CNOT2: variants seen among roughly 807,000 people sequenced by gnomAD.
The protein encoded by CNOT2 is CC chemokine receptor 4-negative regulator of transcription 2.
A neutral mutation model predicts 72.1 loss-of-function variants in CNOT2; 7 were observed. That is an observed-to-expected ratio of 0.10 (90% CI 0.06 to 0.18). The LOEUF (loss-of-function observed/expected upper bound fraction) is 0.18. Among genes scored for constraint, CNOT2 ranks in the 10% least tolerant of loss-of-function variants. The probability of loss-of-function intolerance (pLI) is 1.00; values close to 1 mark genes in which losing one functional copy is unlikely to be tolerated. For synonymous variants in CNOT2, 196 were observed against 225.6 expected (o/e 0.87, Z 1.17); for missense variants, 345 against 660.3 (o/e 0.52, Z 5.23).
At chr12:70,326,425 G>A (rs1879087215) in intron 4 of CNOT2, among the ~76,000 whole-genome samples, 2 of 150,658 alleles carry the variant, frequency 1.3e-5, no homozygotes, top group African/African-American at 4.9e-5. Context: ...TTTATGCCAA[G>A]AAAAACTCCT....
In CNOT2 at chr12:70,292,850, C is replaced by T. The variant is rs1284497293; in HGVS notation, c.48+14576C>T. 2.0e-5 allele frequency among the ~76,000 whole-genome samples: 3 copies of T among 152,192 alleles called. No homozygotes were observed. The East Asian group carries it at 5.8e-4, about 29-fold the overall frequency. On this transcript the variant is annotated intron_variant, in intron 2 of 15. Coordinates refer to ENST00000229195, the MANE Select transcript of CNOT2 (RefSeq NM_014515.7). ...ACTCAGTGATTATTGAATTAGTGTA[C>T]ATGGTGAGATGTTTAGAAACATTTT...
intron 3 of CNOT2, among the ~76,000 whole-genome samples, chr12:70,318,818 G>C (rs1455080265): frequency 1.3e-5 from 2 of 151,524 alleles, no homozygotes; most frequent in Non-Finnish European, 3.0e-5. Context: ...ATTTACTTTT[G>C]AGTATATAAC....
intron 1 of CNOT2, among the ~76,000 whole-genome samples, chr12:70,272,578 C>A (rs1043712279): frequency 6.6e-6 from 1 of 152,054 alleles, no homozygotes; most frequent in African/African-American, 2.4e-5. Flanking sequence ...TTGCTTATAC[C>A]GTTAAGTCTG....
At chr12:70,321,850 G>T (rs1878351615) in intron 4 of CNOT2, 1 of 151,736 alleles carries the variant, frequency 6.6e-6, no homozygotes. Flanking sequence ...GATTTGGCTA[G>T]ATTTGGGTGG....
chr12:70,303,939 G>A (rs766982755), intron 2 of CNOT2, among the ~76,000 whole-genome samples: 4 of 151,684 alleles, frequency 2.6e-5, no homozygotes, highest in East Asian at 1.9e-4. Context: ...TAAACTTCTC[G>A]CTGCATTTCA....
intron 1 of CNOT2, among the ~76,000 whole-genome samples, chr12:70,261,020 T>C (rs1319303500): frequency 6.6e-6 from 1 of 151,980 alleles, no homozygotes; most frequent in Admixed American, 6.6e-5. Context: ...TTTTTTTCCA[T>C]GGATACCTTT....
intron 1 of CNOT2, among the ~76,000 whole-genome samples, chr12:70,244,941 T>A (rs1420827677): frequency 1.3e-5 from 2 of 152,152 alleles, no homozygotes; most frequent in South Asian, 2.1e-4. Flanking sequence ...AAGAATAAAG[T>A]ATGGGGTGAG....
intron 1 of CNOT2, chr12:70,243,856 C>G (rs1313164894): frequency 1.3e-5 from 2 of 152,182 alleles, no homozygotes; most frequent in East Asian, 3.9e-4. Flanking sequence ...CTCCCGCCAG[C>G]GCGGAGGAGC....
At chr12:70,353,694 A>G in intron 15 of CNOT2, 135 bp from the exon 16 acceptor site, 1 of 1,407,488 alleles carries the variant, frequency 7.1e-7, no homozygotes, top group Non-Finnish European at 9.5e-7. Flanking sequence ...ATGTAGAGGA[A>G]AAACAGTTGG....
intron 1 of CNOT2, among the ~76,000 whole-genome samples, chr12:70,253,288 C>T (rs546136552): frequency 6.6e-6 from 1 of 152,016 alleles, no homozygotes; most frequent in Non-Finnish European, 1.5e-5. Flanking sequence ...CTGTTTTCTT[C>T]CTTAAAATTA....
At position 70,353,961 on chromosome 12, in the gene CNOT2, G is replaced by A. The variant is rs950492686; in HGVS notation, c.*46G>A. ...AAAGACTTCCCTTTTCTTGGGGTATGGCTGTCTCAGCACAATACTCAACAT... is the reference window on the plus strand; with the variant it reads ...AAAGACTTCCCTTTTCTTGGGGTATAGCTGTCTCAGCACAATACTCAACAT... On this transcript the variant is annotated 3_prime_UTR_variant, in exon 16 of 16. Transcript: ENST00000229195. 1.4e-5 allele frequency: 21 copies of A among 1,549,036 alleles called. No individual in the cohort carries two copies. Among genetic ancestry groups the A allele is most frequent in the Non-Finnish European group, 1.8e-5 (21 of 1,153,796 alleles).
intron 6 of CNOT2, 89 bp downstream of exon 6, chr12:70,330,558 G>A (rs1879773216): frequency 6.3e-6 from 5 of 797,294 alleles, no homozygotes; most frequent in East Asian, 5.5e-5. Flanking sequence ...CTTGAGGTGT[G>A]GCTTCTCTCT....
intron 1 of CNOT2, among the ~76,000 whole-genome samples, chr12:70,262,110 G>A (rs993144931): frequency 1.3e-5 from 2 of 150,864 alleles, no homozygotes; most frequent in Admixed American, 1.3e-4. Flanking sequence ...TCTTTTCTTG[G>A]TCAGTTTAGC....
chr12:70,343,149 CT>C (rs1175523849), intron 13 of CNOT2, among the ~76,000 whole-genome samples: 1 of 152,162 alleles, frequency 6.6e-6, no homozygotes, highest in Non-Finnish European at 1.5e-5. Flanking sequence ...CTGTAGAGCT[CT>C]TTCGCTCCAA....
Position 70,297,799 on chromosome 12 carries a change from G to A in CNOT2, c.49-13096G>A, listed in dbSNP as rs746141060. 79 of 336,188 alleles carry A rather than the reference G, an allele frequency of 2.3e-4. 1 individual carries two copies. The highest frequency in any genetic ancestry group is 7.0e-4 in the South Asian group (32 of 45,898). 20.8% of individuals were successfully genotyped at this position (336,188 alleles called of 1,614,324 possible). A position where few individuals can be genotyped will look rare whatever the true frequency, so the allele number is the denominator to read the frequency against. ...GTCACCCAGGCTGGACTGCAGTGGC[G>A]TCATCTTGGCTCACTGCAACCTCCG... On this transcript the variant is annotated intron_variant, in intron 2 of 15. Transcript: ENST00000229195.
chr12:70,306,395 G>T (rs907660896), intron 2 of CNOT2, among the ~76,000 whole-genome samples: 3 of 152,108 alleles, frequency 2.0e-5, no homozygotes, highest in Admixed American at 6.5e-5. Flanking sequence ...GACCTCAAGT[G>T]ATCTGCCTGC....
intron 2 of CNOT2, among the ~76,000 whole-genome samples, chr12:70,279,170 C>T (rs569910757): frequency 6.6e-6 from 1 of 152,310 alleles, no homozygotes; most frequent in South Asian, 2.1e-4. Context: ...AGTATGATAG[C>T]AGCAGCTTTG....
intron 11 of CNOT2, among the ~76,000 whole-genome samples, chr12:70,340,085 C>T (rs566271031): frequency 6.6e-6 from 1 of 152,292 alleles, no homozygotes; most frequent in African/African-American, 2.4e-5. Context: ...CGAAACTTTT[C>T]AAAGAGTCAT....
rs1211414017 is a variant in CNOT2 at position 70,339,114 on chromosome 12, C to T, written c.1178+292C>T. On this transcript the variant is annotated intron_variant, in intron 11 of 15. Transcript: ENST00000229195. ...TATACACACACACACACACACACAC[C>T]TTCCAGAATCCTGAAATCTCAGCTC... Among the ~76,000 whole-genome samples, 3 of 129,160 alleles carry T rather than the reference C, an allele frequency of 2.3e-5. No individual in the cohort carries two copies. The East Asian group carries it at 8.4e-4, about 36-fold the overall frequency. The allele number at this position is 129,160 out of a possible 152,430, so 84.7% of individuals were successfully genotyped here.
Sources: gnomAD v4.1 joint callset for allele counts (sites outside exome capture counted in the v4.1 genomes callset) on GRCh38, gnomAD v4.1.1 for gene constraint, MANE v1.5 for transcripts, NCBI Gene and HGNC (gene_info 2026-07-23, HGNC 2026-07-21) for gene names.